Variants in PCNX1 observed in about 807,000 individuals in gnomAD.
PCNX1 encodes the protein pecanex 1.
Under a neutral mutation model 242.2 loss-of-function variants are expected in PCNX1, and 78 were observed. That is an observed-to-expected ratio of 0.32 (90% CI 0.27 to 0.39). The LOEUF is 0.39. PCNX1 is among the 10% of genes least tolerant of loss of function. The pLI is 1.00. For missense variants in PCNX1, 2,581 were observed against 2,856.5 expected (o/e 0.90, Z 2.20); for synonymous variants, 1,024 against 1,032.9 (o/e 0.99, Z 0.17).
chr14:70,937,538 C>G (rs930522720), intron 1 of PCNX1, among the ~76,000 whole-genome samples: 1 of 152,232 alleles, frequency 6.6e-6, no homozygotes, highest in South Asian at 2.1e-4. Flanking sequence ...TTACTGTAGC[C>G]TTGTAGTAGA....
In PCNX1 at chr14:70,938,373, G is replaced by A. The variant is rs192420234; in HGVS notation, c.154-8542G>A. Among the ~76,000 whole-genome samples the A allele has an allele frequency of 8.5e-3, 1,294 of 152,280 alleles. 25 individuals are homozygous for A. Among genetic ancestry groups the A allele is most frequent in the African/African-American group, 0.029 (1,221 of 41,558 alleles). On this transcript the variant is annotated intron_variant, in intron 1 of 35. Transcript: ENST00000304743. ...TTGAATTTTGTCAAAGGCCTTTTCTGCATCTATTGAGATAATCGTGGTTTT... is the reference window on the plus strand; with the variant it reads ...TTGAATTTTGTCAAAGGCCTTTTCTACATCTATTGAGATAATCGTGGTTTT...
At chr14:71,030,442 T>C (rs2060351514) in intron 16 of PCNX1, among the ~76,000 whole-genome samples, 1 of 152,090 alleles carries the variant, frequency 6.6e-6, no homozygotes, top group Non-Finnish European at 1.5e-5. Context: ...GAGAGCTGCA[T>C]GTTTGGACCA....
rs1471704723 is a variant in PCNX1, at chr14:71,051,974, A to G, written c.4539A>G (p.Ser1513=). 9.3e-6 allele frequency: 15 copies of G among 1,613,192 alleles called. 1 individual carries two copies. In the Admixed American group the frequency reaches 1.0e-4, roughly 11 times the overall value. ...PFLGSAIFIT[S]YVRPVKFWER... ...TGGGAAGTGCAATATTCATCACTTC[A>G]TATGTCCGACCTGTGAAATTCTGGG... Residue 1513 remains serine, a synonymous_variant, in exon 24 of 36, where the codon TCA becomes TCG. Coordinates refer to ENST00000304743, the MANE Select transcript of PCNX1 (RefSeq NM_014982.3).
intron 11 of PCNX1, among the ~76,000 whole-genome samples, chr14:71,013,503 T>C (rs931976161): frequency 2.8e-5 from 4 of 141,402 alleles, no homozygotes; most frequent in African/African-American, 9.8e-5. Context: ...CTTTAAGTTA[T>C]AGGTAATATG....
chr14:70,948,991 C>A (rs750029903), intron 2 of PCNX1, among the ~76,000 whole-genome samples: 16 of 137,336 alleles, frequency 1.2e-4, no homozygotes, highest in Non-Finnish European at 2.0e-4. Context: ...GCTTATAAAT[C>A]TCAGCATTTT....
At chr14:71,073,506 G>T (rs1007675444) in intron 26 of PCNX1, 39 bp from the exon 27 acceptor site, 2 of 1,550,774 alleles carry the variant, frequency 1.3e-6, no homozygotes, top group Non-Finnish European at 1.8e-6. Flanking sequence ...CCCACTTTCT[G>T]GTTTTCCCCC....
At chr14:70,939,323 T>C (rs2057138581) in intron 1 of PCNX1, among the ~76,000 whole-genome samples, 1 of 152,248 alleles carries the variant, frequency 6.6e-6, no homozygotes, top group South Asian at 2.1e-4. Context: ...GAGATTCTGG[T>C]ATGTTGTGTC....
At chr14:70,949,264 TGTATGCACACACGTGTATAC>T (rs1566608276) in intron 2 of PCNX1, among the ~76,000 whole-genome samples, 34 of 25,208 alleles carry the variant, frequency 1.3e-3, no homozygotes, top group African/African-American at 4.0e-3. Context: ...CACACACACG[TGTATGCACACACGTGTATAC>T]ACACACGTGT....
At chr14:71,021,415 T>G (rs1360078324) in intron 12 of PCNX1, among the ~76,000 whole-genome samples, 1 of 152,198 alleles carries the variant, frequency 6.6e-6, no homozygotes, top group African/African-American at 2.4e-5. Flanking sequence ...TTCCATTTGT[T>G]TGTGTCTTCT....
intron 30 of PCNX1, among the ~76,000 whole-genome samples, chr14:71,090,729 T>C (rs1382707572): frequency 1.3e-5 from 2 of 152,232 alleles, no homozygotes; most frequent in African/African-American, 4.8e-5. Flanking sequence ...ATAAGAAATA[T>C]TCTCTTTCAT....
chr14:71,092,558 T>C (rs2062163279), intron 30 of PCNX1: 1 of 152,246 alleles, frequency 6.6e-6, no homozygotes, highest in Non-Finnish European at 1.5e-5. Flanking sequence ...AAGAAAATCA[T>C]TGAGGAAAAA....
At chr14:71,072,703 A>G (rs2061614996) in intron 26 of PCNX1, among the ~76,000 whole-genome samples, 1 of 152,258 alleles carries the variant, frequency 6.6e-6, no homozygotes, top group Non-Finnish European at 1.5e-5. Context: ...TAGTCTTTAC[A>G]TAATATAAGG....
chr14:70,944,330 G>A (rs1362014215), intron 1 of PCNX1, among the ~76,000 whole-genome samples: 2 of 152,246 alleles, frequency 1.3e-5, no homozygotes, highest in Non-Finnish European at 1.5e-5. Context: ...TGACCTGGAT[G>A]TGAGACATGG....
chr14:71,026,646 A>G, intron 14 of PCNX1, 126 bp from the exon 15 acceptor site: 1 of 472,544 alleles, frequency 2.1e-6, no homozygotes, highest in East Asian at 3.2e-5. Context: ...CATTTAAAAT[A>G]CTGTCTTTTA....
At chr14:71,003,080 C>CTTGTTTTTTTTTTTTTTTTTTTTTTTT (rs2059552913) in intron 8 of PCNX1, among the ~76,000 whole-genome samples, 1 of 95,474 alleles carries the variant, frequency 1.0e-5, no homozygotes, top group African/African-American at 4.7e-5. Context: ...TGGTTGTCTT[C>CTTGTTTTTTTTTTTTTTTTTTTTTTTT]TTTTTTTTTT....
In PCNX1 at chr14:70,995,870, A is replaced by G. The variant is rs778965233; in HGVS notation, c.2574A>G (p.Glu858=). Residue 858 remains glutamate (E), a synonymous_variant, in exon 8 of 36, where the codon GAA becomes GAG. Transcript: ENST00000304743. The stretch of plus-strand genomic sequence containing the variant: ...TGAGAAATGGGAGTGTCCACTTAGA[A>G]GCATCACATGACAATGCATCTGCTG... ...LLVRNGSVHL[E]ASHDNASAVG... 3.3e-5 allele frequency: 53 copies of G among 1,613,956 alleles called. No homozygotes were observed. The highest frequency in any genetic ancestry group is 4.2e-5 in the Non-Finnish European group (50 of 1,179,928).
Position 70,978,190 on chromosome 14 carries a change from A to G in PCNX1, c.1853A>G (p.His618Arg). The G allele has an allele frequency of 6.2e-7, 1 of 1,614,132 alleles. No individual in the cohort carries two copies. The highest frequency in any genetic ancestry group is 8.5e-7 in the Non-Finnish European group (1 of 1,180,010). Reference sequence around the variant, plus strand: ...AGAGCATCAAGTGTTCAGTCTGCTCACCAGTTCAGCAGTGATAGCTCTTCT... The same window carrying G: ...AGAGCATCAAGTGTTCAGTCTGCTCGCCAGTTCAGCAGTGATAGCTCTTCT... ...LSRASSVQSAHQFSSDSSSST... is the reference protein window; with the variant it reads ...LSRASSVQSARQFSSDSSSST... The change falls in exon 6 of 36, where the codon CAC becomes CGC. Residue 618 changes from histidine (H) to arginine (R), a missense_variant. By Grantham distance (29) the His-to-Arg change is conservative. Transcript: ENST00000304743.
At chr14:71,041,825 A>G (rs1292691771) in intron 19 of PCNX1, among the ~76,000 whole-genome samples, 3 of 146,858 alleles carry the variant, frequency 2.0e-5, no homozygotes, top group African/African-American at 7.7e-5. Context: ...ATACTATACT[A>G]TACACTTCCC....
chr14:71,002,964 G>A (rs1011055651), intron 8 of PCNX1, among the ~76,000 whole-genome samples: 2 of 151,720 alleles, frequency 1.3e-5, no homozygotes, highest in Non-Finnish European at 2.9e-5. Flanking sequence ...TTTCTCTTAT[G>A]ACTAAAGATA....
Sources: allele counts gnomAD v4.1 joint callset (sites outside exome capture counted in the v4.1 genomes callset), GRCh38; gene constraint gnomAD v4.1.1; transcripts MANE v1.5; gene names NCBI Gene and HGNC (gene_info 2026-07-23, HGNC 2026-07-21).